Variants in ACER2 observed in about 807,000 individuals in gnomAD.
The protein encoded by ACER2 is alkCDase 2.
Under a neutral mutation model 34.7 loss-of-function variants are expected in ACER2, and 26 were observed. The ratio of observed to expected loss-of-function variants is 0.75; its 90% CI spans 0.55 to 1.04. The LOEUF is 1.04. ACER2 is among the 50% of genes least tolerant of loss of function. The probability of loss-of-function intolerance (pLI) is 0.00; values close to 1 mark genes in which losing one functional copy is unlikely to be tolerated. For synonymous variants in ACER2, 138 were observed against 132.1 expected, an observed-to-expected ratio of 1.04 and a Z score of -0.31; for missense variants, 352 against 340.8, an observed-to-expected ratio of 1.03 and a Z score of -0.26.
chr9:19,416,495 A>G (rs1830243487), intron 1 of ACER2, among the ~76,000 whole-genome samples: 1 of 152,008 alleles, frequency 6.6e-6, no homozygotes. Context: ...TCCCTTTGTA[A>G]AACAAGGGAT....
chr9:19,428,022 C>CCTTTG (rs1830628442), intron 3 of ACER2, among the ~76,000 whole-genome samples: 1 of 86,684 alleles, frequency 1.2e-5, no homozygotes, highest in East Asian at 3.3e-4. Context: ...CCTTTCCTTT[C>CCTTTG]CTTTCCTTTC....
chr9:19,410,923 C>T (rs1393918062), intron 1 of ACER2, among the ~76,000 whole-genome samples: 1 of 152,144 alleles, frequency 6.6e-6, no homozygotes, highest in African/African-American at 2.4e-5. Context: ...GTAAGGATTT[C>T]ACCAGAGTTC....
intron 4 of ACER2, among the ~76,000 whole-genome samples, chr9:19,441,041 T>C (rs1049775243): frequency 4.6e-5 from 7 of 151,692 alleles, no homozygotes; most frequent in South Asian, 2.1e-4. Flanking sequence ...TTTTTCTTTT[T>C]CTTTTTCTTT....
chr9:19,440,792 C>T (rs1442210533), intron 4 of ACER2, among the ~76,000 whole-genome samples: 1 of 152,178 alleles, frequency 6.6e-6, no homozygotes, highest in East Asian at 1.9e-4. Context: ...GTCTCCAACC[C>T]AGTCCTTCCT....
chr9:19,450,840 C>G lies in ACER2; in HGVS notation c.*204C>G. The G allele has an allele frequency of 2.5e-6, 1 of 405,962 alleles. No individual in the cohort carries two copies. The highest frequency in any genetic ancestry group is 4.2e-6 in the Non-Finnish European group (1 of 236,606). The allele number at this position is 405,962 out of a possible 1,614,324, so 25.1% of individuals were successfully genotyped here. A position where few individuals can be genotyped will look rare whatever the true frequency, so the allele number is the denominator to read the frequency against. On this transcript the variant is annotated 3_prime_UTR_variant, in exon 6 of 6. Transcript: ENST00000340967. ...TATGGTACAAATATTCCCTGCCCCC[C>G]TGCAGTTTCCCATTTGTCTTTCAGT...
At chr9:19,446,187 T>G in intron 4 of ACER2, 94 bp from the exon 5 acceptor site, 1 of 1,575,254 alleles carries the variant, frequency 6.3e-7, no homozygotes, top group South Asian at 1.1e-5. Flanking sequence ...GTTGTAGGCA[T>G]GAGAGGAACC....
At chr9:19,442,618 C>T (rs1323604173) in intron 4 of ACER2, among the ~76,000 whole-genome samples, 1 of 152,258 alleles carries the variant, frequency 6.6e-6, no homozygotes, top group Admixed American at 6.5e-5. Context: ...CAGGACATCT[C>T]CAACACATTG....
intron 1 of ACER2, among the ~76,000 whole-genome samples, chr9:19,421,172 A>G (rs1333478672): frequency 6.6e-6 from 1 of 152,204 alleles, no homozygotes; most frequent in Non-Finnish European, 1.5e-5. Context: ...TATCAGGAAA[A>G]ATGTGGCATA....
At chr9:19,431,863 A>T (rs1365966189) in intron 3 of ACER2, among the ~76,000 whole-genome samples, 6 of 152,136 alleles carry the variant, frequency 3.9e-5, no homozygotes, top group African/African-American at 1.4e-4. Context: ...ATGCCCTTTG[A>T]TTTCTTTATA....
chr9:19,435,154 T>C (rs957997682), intron 4 of ACER2, 70 bp downstream of exon 4: 3 of 1,562,002 alleles, frequency 1.9e-6, no homozygotes, highest in Non-Finnish European at 2.6e-6. Flanking sequence ...GGGGCTTCTT[T>C]GCTGTCCTGT....
At chr9:19,436,678 C>T (rs547056707) in intron 4 of ACER2, among the ~76,000 whole-genome samples, 3 of 152,224 alleles carry the variant, frequency 2.0e-5, no homozygotes, top group South Asian at 4.1e-4. Context: ...TCTAGGTCCT[C>T]GTTTTAAATG....
chr9:19,422,233 G>A (rs1354225072), intron 1 of ACER2, among the ~76,000 whole-genome samples: 1 of 151,726 alleles, frequency 6.6e-6, no homozygotes, highest in African/African-American at 2.4e-5. Flanking sequence ...CCTGGAAGTA[G>A]GAGGCTGCAG....
At chr9:19,429,709 T>C (rs534089659) in intron 3 of ACER2, among the ~76,000 whole-genome samples, 127 of 152,346 alleles carry the variant, frequency 8.3e-4, no homozygotes, top group African/African-American at 2.9e-3. Flanking sequence ...CTTTATTTTT[T>C]GAATCTTGAA....
At chr9:19,427,526 A>C (rs1830605883) in intron 3 of ACER2, among the ~76,000 whole-genome samples, 1 of 152,128 alleles carries the variant, frequency 6.6e-6, no homozygotes, top group South Asian at 2.1e-4. Context: ...ATTCATGTCA[A>C]AACCAGGATT....
At chr9:19,433,228 A>G (rs1830819394) in intron 3 of ACER2, among the ~76,000 whole-genome samples, 1 of 147,646 alleles carries the variant, frequency 6.8e-6, no homozygotes, top group South Asian at 2.1e-4. Context: ...GTCATAGGAC[A>G]ATAGTGGAGG....
intron 2 of ACER2, 29 bp from the exon 3 acceptor site, chr9:19,424,671 C>T (rs754073267): frequency 6.2e-7 from 1 of 1,611,614 alleles, no homozygotes; most frequent in South Asian, 1.1e-5. Flanking sequence ...CTGTGGTGAC[C>T]TTTTTTTATT....
At chr9:19,443,425 A>G (rs943415641) in intron 4 of ACER2, among the ~76,000 whole-genome samples, 93 of 152,150 alleles carry the variant, frequency 6.1e-4, no homozygotes, top group African/African-American at 2.2e-3. Context: ...CTTGGCCTCC[A>G]AGAGTGTTGG....
chr9:19,435,073 A>G lies in ACER2; in HGVS notation c.492A>G (p.Ala164=). 6.2e-7 allele frequency: 1 copy of G among 1,614,132 alleles called. No individual in the cohort carries two copies. The highest frequency in any genetic ancestry group is 8.5e-7 in the Non-Finnish European group (1 of 1,180,000). ...LGVPCTALLI[A]ELKRCDNMRV... is the part of the protein sequence containing the mutation. ...TTCCTTGCACTGCACTGCTCATCGC[A>G]GAGCTAAAGAGGTAGGTGCCATCAT... The change falls in exon 4 of 6, where the codon GCA becomes GCG. Residue 164 remains alanine, a synonymous_variant. Transcript: ENST00000340967.
intron 3 of ACER2, among the ~76,000 whole-genome samples, chr9:19,432,688 T>C (rs1043831005): frequency 6.8e-6 from 1 of 148,134 alleles, no homozygotes; most frequent in Non-Finnish European, 1.5e-5. Flanking sequence ...TATATAGATA[T>C]GTATAATATA....
Sources: gnomAD v4.1 joint callset for allele counts (sites outside exome capture counted in the v4.1 genomes callset) on GRCh38, gnomAD v4.1.1 for gene constraint, MANE v1.5 for transcripts, NCBI Gene and HGNC (gene_info 2026-07-23, HGNC 2026-07-21) for gene names.